Variants in BEND7 observed in about 807,000 individuals in gnomAD.
BEND7 encodes the protein BEN domain-containing protein 7.
BEND7 carries 28 observed loss-of-function variants against 50.9 expected under a neutral mutation model. The observed-to-expected ratio is 0.55, with a 90% CI of 0.41 to 0.75. BEND7 has a LOEUF of 0.75. Among genes scored for constraint, BEND7 ranks in the 30% least tolerant of loss-of-function variants. The pLI is 0.00. For missense variants in BEND7, 477 were observed against 491.3 expected (o/e 0.97, Z 0.28); for synonymous variants, 170 against 183.9 (o/e 0.92, Z 0.61).
At chr10:13,477,082 A>G (rs1212476669) in intron 6 of BEND7, among the ~76,000 whole-genome samples, 1 of 152,198 alleles carries the variant, frequency 6.6e-6, no homozygotes, top group African/African-American at 2.4e-5. Context: ...ATAATCCCCC[A>G]AACTTTTTTT....
At chr10:13,498,055 T>C (rs11594060) in intron 3 of BEND7, among the ~76,000 whole-genome samples, 30,214 of 150,304 alleles carry the variant, frequency 0.2, 3,173 homozygotes, top group African/African-American at 0.24. Flanking sequence ...CAGTTATATG[T>C]AATATATTTC....
downstream of BEND7, among the ~76,000 whole-genome samples, chr10:13,439,777 C>T (rs962687072): frequency 6.6e-6 from 1 of 152,238 alleles, no homozygotes; most frequent in African/African-American, 2.4e-5. Flanking sequence ...CTCCCTGCTT[C>T]AGCCAGGCGG....
chr10:13,439,511 G>C, downstream of BEND7: 1 of 1,576,344 alleles, frequency 6.3e-7, no homozygotes, highest in Non-Finnish European at 8.6e-7. Context: ...TGGAATGAAT[G>C]AATGAGTGAA....
intron 6 of BEND7, among the ~76,000 whole-genome samples, chr10:13,479,226 CTTGAACTG>C: frequency 6.6e-6 from 1 of 152,112 alleles, no homozygotes; most frequent in South Asian, 2.1e-4. Flanking sequence ...CCAGGCTGGT[CTTGAACTG>C]CTGACCTGCA....
rs750551092 is a variant in BEND7 at position 13,500,117 on chromosome 10, A to G, written c.146-37T>C. On this transcript the variant is annotated intron_variant, in intron 2 of 8. Coordinates refer to ENST00000466271, the MANE Select transcript of BEND7 (RefSeq NM_001369863.1). ...AGGGCCAAAGTTAGCACTCTAAATT[A>G]GTGAAAGAGAAAACAGTTCACTAAC... The G allele has an allele frequency of 1.2e-5, 18 of 1,471,756 alleles. No homozygotes were observed. The Admixed American group carries it at 3.6e-4, about 30-fold the overall frequency. The allele number at this position is 1,471,756 out of a possible 1,614,324, so 91.2% of individuals were successfully genotyped here. A position where few individuals can be genotyped will look rare whatever the true frequency, so the allele number is the denominator to read the frequency against.
chr10:13,519,279 T>C (rs547134241), intron 2 of BEND7, among the ~76,000 whole-genome samples: 1 of 152,130 alleles, frequency 6.6e-6, no homozygotes, highest in African/African-American at 2.4e-5. Context: ...GAGACCATCC[T>C]GGCTAACATG....
chr10:13,448,364 C>T (rs937133319), intron 7 of BEND7, among the ~76,000 whole-genome samples: 11 of 152,176 alleles, frequency 7.2e-5, no homozygotes, highest in Non-Finnish European at 1.3e-4. Flanking sequence ...GTGGTCCCCA[C>T]AGGCAGGCCC....
rs1199921606 is a variant in BEND7, at chr10:13,480,891, A to T, written c.1063+8T>A. The T allele has an allele frequency of 2.5e-6, 4 of 1,614,070 alleles. No homozygotes were observed. The highest frequency in any genetic ancestry group is 2.2e-5 in the East Asian group (1 of 44,872). On this transcript the variant is annotated splice_region_variant and intron_variant, in intron 6 of 8. Coordinates refer to ENST00000466271, the MANE Select transcript of BEND7 (RefSeq NM_001369863.1). ...AAGAACCCACAAAATGAAATGATGC[A>T]GACCAACCTTTTATTGCACCCACAA... is the stretch of plus-strand genomic sequence containing the variant.
intron 6 of BEND7, among the ~76,000 whole-genome samples, chr10:13,473,689 C>T (rs748420217): frequency 7.3e-5 from 11 of 150,402 alleles, no homozygotes; most frequent in Non-Finnish European, 1.3e-4. Flanking sequence ...GACTCGGGGC[C>T]GACATCTGTC....
intron 6 of BEND7, among the ~76,000 whole-genome samples, chr10:13,457,092 G>A (rs1489351386): frequency 6.6e-6 from 1 of 152,172 alleles, no homozygotes; most frequent in Non-Finnish European, 1.5e-5. Flanking sequence ...CTCCCCCCTT[G>A]TAATATTATT....
At chr10:13,513,921 A>G (rs1184618098) in intron 2 of BEND7, among the ~76,000 whole-genome samples, 1 of 152,190 alleles carries the variant, frequency 6.6e-6, no homozygotes, top group Non-Finnish European at 1.5e-5. Flanking sequence ...TTAAAAAATA[A>G]AAGTGCCCGG....
Position 13,452,527 on chromosome 10 carries a change from C to T in BEND7, c.1183+12G>A. On this transcript the variant is annotated intron_variant, in intron 7 of 8. Coordinates refer to ENST00000466271, the MANE Select transcript of BEND7 (RefSeq NM_001369863.1). ...GTGCTTCTCCAATTATTTTTCTGCA[C>T]CTTAGTCATACCTGAGCCTCTTTTT... The T allele has an allele frequency of 6.3e-7, 1 of 1,597,148 alleles. No individual in the cohort carries two copies. Among genetic ancestry groups the T allele is most frequent in the Non-Finnish European group, 8.5e-7 (1 of 1,173,028 alleles).
In BEND7 at chr10:13,499,551, G is replaced by A. The variant is rs1469087439; in HGVS notation, c.448+227C>T. ...CTTAAAGGGCTAAAATCTCTACCAG[G>A]AAATCTTCACTTATAACATAGAACC... On this transcript the variant is annotated intron_variant, in intron 3 of 8. Transcript: ENST00000466271. Among the ~76,000 whole-genome samples the A allele has an allele frequency of 2.7e-4, 41 of 152,128 alleles. 1 individual carries two copies. The highest frequency in any genetic ancestry group is 2.6e-3 in the Admixed American group (40 of 15,270).
downstream of BEND7, chr10:13,439,210 T>C: frequency 1.2e-6 from 2 of 1,614,132 alleles, no homozygotes; most frequent in African/African-American, 1.3e-5. Flanking sequence ...GTAAGAGACT[T>C]GGCTGAGCCT....
intron 6 of BEND7, chr10:13,459,600 A>G (rs139034604): frequency 2.0e-5 from 3 of 152,298 alleles, no homozygotes; most frequent in South Asian, 2.1e-4. Context: ...TCTTGGTGCA[A>G]TTGTTCTAGT....
rs11258434 is a variant in BEND7 at position 13,520,833 on chromosome 10, T to C, written c.145+5305A>G. On this transcript the variant is annotated intron_variant, in intron 2 of 8. Transcript: ENST00000466271. Reference sequence around the variant, plus strand: ...CTAACTACAAATGCCTCCCAGACTTTAGGCAACAAGTCATACGTGAGAACG... The same window carrying C: ...CTAACTACAAATGCCTCCCAGACTTCAGGCAACAAGTCATACGTGAGAACG... Among the ~76,000 whole-genome samples the C allele has an allele frequency of 4.5e-3, 692 of 152,298 alleles. 9 individuals carry two copies. Among genetic ancestry groups the C allele is most frequent in the East Asian group, 0.036 (184 of 5,182 alleles).
rs1243949353 is a variant in BEND7, at chr10:13,496,629, AAC to A, written c.571+135_571+136del. 1.2e-4 allele frequency: 126 copies of A among 1,069,382 alleles called. 1 individual carries two copies. Among genetic ancestry groups the A allele is most frequent in the Non-Finnish European group, 1.3e-5 (10 of 755,214 alleles). 66.2% of individuals were successfully genotyped at this position (1,069,382 alleles called of 1,614,324 possible). On this transcript the variant is annotated intron_variant, in intron 4 of 8. Transcript: ENST00000466271. ...AATGGATTGTAGAGAAAGCTGAAAA[AAC>A]AGATACTTGAAAAGGCACAGCAAGA...
At chr10:13,449,963 A>C (rs776855417) in intron 7 of BEND7, among the ~76,000 whole-genome samples, 2 of 152,230 alleles carry the variant, frequency 1.3e-5, no homozygotes, top group Non-Finnish European at 2.9e-5. Flanking sequence ...GAAAAGATTG[A>C]GCAAGTCCAA....
chr10:13,489,541 C>T (rs546604532), intron 5 of BEND7, among the ~76,000 whole-genome samples: 16 of 152,142 alleles, frequency 1.1e-4, no homozygotes, highest in East Asian at 9.6e-4. Context: ...TCAAAGATGG[C>T]GCATGAATAC....
Sources: gnomAD v4.1 joint callset for allele counts (sites outside exome capture counted in the v4.1 genomes callset) on GRCh38, gnomAD v4.1.1 for gene constraint, MANE v1.5 for transcripts, NCBI Gene and HGNC (gene_info 2026-07-23, HGNC 2026-07-21) for gene names.